The following VOPP1 variants were observed in gnomAD, a reference collection of about 807,000 sequenced individuals.
VOPP1 encodes VOPP1 WW domain binding protein.
Under a neutral mutation model 23.5 loss-of-function variants are expected in VOPP1, and 8 were observed. The ratio of observed to expected loss-of-function variants is 0.34; its 90% CI spans 0.20 to 0.61. The LOEUF (loss-of-function observed/expected upper bound fraction) is 0.61, where lower values mean the gene tolerates loss of function less well. VOPP1 is among the 20% of genes least tolerant of loss of function. The pLI is 0.78. For synonymous variants in VOPP1, 83 were observed against 97.3 expected, an observed-to-expected ratio of 0.85 and a Z score of 0.86; for missense variants, 174 against 238.1, an observed-to-expected ratio of 0.73 and a Z score of 1.77.
chr7:55,505,453 A>G (rs1273072848), intron 2 of VOPP1, among the ~76,000 whole-genome samples: 1 of 151,996 alleles, frequency 6.6e-6, no homozygotes, highest in Non-Finnish European at 1.5e-5. Context: ...GCAGAAAAGG[A>G]GGGTGACGTG....
chr7:55,496,451 T>G (rs77811366), intron 3 of VOPP1, among the ~76,000 whole-genome samples: 1 of 152,240 alleles, frequency 6.6e-6, no homozygotes, highest in Non-Finnish European at 1.5e-5. Context: ...ATTCTTCTGT[T>G]ACAGAGTTTT....
intron 2 of VOPP1, among the ~76,000 whole-genome samples, chr7:55,514,847 A>G (rs569777131): frequency 6.6e-6 from 1 of 152,326 alleles, no homozygotes; most frequent in African/African-American, 2.4e-5. Context: ...ACTTGGGGCC[A>G]TCCTCTGCTC....
At chr7:55,477,677 T>G (rs1390841787) in intron 4 of VOPP1, among the ~76,000 whole-genome samples, 1 of 152,212 alleles carries the variant, frequency 6.6e-6, no homozygotes, top group Non-Finnish European at 1.5e-5. Context: ...ATAGACACAG[T>G]GATGGATCCT....
At chr7:55,485,426 T>G (rs1793062893) in intron 4 of VOPP1, among the ~76,000 whole-genome samples, 1 of 152,190 alleles carries the variant, frequency 6.6e-6, no homozygotes. Context: ...GTTGAGAAGG[T>G]AAAAGGCAGA....
rs532644121 is a variant in VOPP1 at position 55,538,970 on chromosome 7, G to A, written c.55-17840C>T. Among the ~76,000 whole-genome samples, 502 of 149,678 alleles carry A rather than the reference G, an allele frequency of 3.4e-3. 4 individuals carry two copies. The highest frequency in any genetic ancestry group is 0.012 in the African/African-American group (490 of 40,660). ...GAGGTATGCCTCTTTCTCTGTAGAG[G>A]GTCTAGGGTTGAGAAGGTATTGGGG... On this transcript the variant is annotated intron_variant, in intron 1 of 4. Coordinates refer to ENST00000285279, the MANE Select transcript of VOPP1 (RefSeq NM_030796.5).
intron 4 of VOPP1, among the ~76,000 whole-genome samples, chr7:55,491,970 A>T (rs1413979026): frequency 2.0e-5 from 3 of 152,232 alleles, no homozygotes; most frequent in African/African-American, 7.2e-5. Flanking sequence ...GCTCCTACAC[A>T]GAAATTTATA....
intron 1 of VOPP1, among the ~76,000 whole-genome samples, chr7:55,568,827 T>C (rs1372538998): frequency 2.0e-5 from 3 of 152,174 alleles, no homozygotes; most frequent in Admixed American, 6.5e-5. Flanking sequence ...AGTTACTGTG[T>C]GAAGGCCACT....
At chr7:55,447,386 G>A (rs184290700) in intron 4 of VOPP1, among the ~76,000 whole-genome samples, 280 of 152,318 alleles carry the variant, frequency 1.8e-3, no homozygotes, top group African/African-American at 6.3e-3. Flanking sequence ...TTTGCTCACT[G>A]AAGAAATGTA....
intron 2 of VOPP1, among the ~76,000 whole-genome samples, chr7:55,503,007 A>G (rs984260120): frequency 3.3e-5 from 5 of 152,244 alleles, no homozygotes. Context: ...CTTCAAAAGA[A>G]TGAAAAGATC....
At chr7:55,501,673 A>G (rs1583938077) in intron 2 of VOPP1, among the ~76,000 whole-genome samples, 1 of 151,934 alleles carries the variant, frequency 6.6e-6, no homozygotes, top group African/African-American at 2.4e-5. Flanking sequence ...ACTCATGAAT[A>G]CCCTCTCAAA....
intron 2 of VOPP1, among the ~76,000 whole-genome samples, chr7:55,512,363 T>C (rs555554153): frequency 9.2e-5 from 14 of 151,622 alleles, no homozygotes; most frequent in African/African-American, 2.4e-4. Flanking sequence ...AAGGCGGAGG[T>C]TGCAGTGAGC....
intron 4 of VOPP1, among the ~76,000 whole-genome samples, chr7:55,476,062 G>A (rs1792222082): frequency 6.6e-6 from 1 of 152,218 alleles, no homozygotes; most frequent in African/African-American, 2.4e-5. Flanking sequence ...GGTGGGATGG[G>A]AGAGCCACAG....
intron 4 of VOPP1, among the ~76,000 whole-genome samples, chr7:55,486,470 G>C (rs1048934868): frequency 3.3e-5 from 5 of 152,260 alleles, no homozygotes; most frequent in Admixed American, 2.6e-4. Context: ...ACGGGGGCTG[G>C]AAAGAGAAGT....
At chr7:55,509,154 A>T (rs1794915692) in intron 2 of VOPP1, among the ~76,000 whole-genome samples, 1 of 152,214 alleles carries the variant, frequency 6.6e-6, no homozygotes, top group Non-Finnish European at 1.5e-5. Context: ...AGGAAGGGAG[A>T]TGAGATTCTA....
chr7:55,449,594 A>G (rs1791191327), intron 4 of VOPP1, among the ~76,000 whole-genome samples: 1 of 152,212 alleles, frequency 6.6e-6, no homozygotes, highest in African/African-American at 2.4e-5. Flanking sequence ...GGAACCCTGA[A>G]GGCAGCTGAA....
chr7:55,489,100 T>A (rs1002850785), intron 4 of VOPP1, among the ~76,000 whole-genome samples: 1 of 152,208 alleles, frequency 6.6e-6, no homozygotes, highest in African/African-American at 2.4e-5. Flanking sequence ...GCAGACCCCA[T>A]TCTTTTGTTC....
intron 4 of VOPP1, among the ~76,000 whole-genome samples, chr7:55,462,950 G>A (rs1317831877): frequency 3.9e-5 from 6 of 152,108 alleles, no homozygotes; most frequent in African/African-American, 1.4e-4. Context: ...GAACCCTTCA[G>A]TCCCAGTATT....
intron 1 of VOPP1, among the ~76,000 whole-genome samples, chr7:55,561,692 G>T (rs1797991274): frequency 2.1e-5 from 1 of 47,604 alleles, no homozygotes; most frequent in African/African-American, 7.6e-5. Flanking sequence ...GCAAAACTCT[G>T]TCTGGAAAAA....
At chr7:55,436,138 T>G (rs1790816249) in exon 5 of VOPP1, 1 of 152,172 alleles carries the variant, frequency 6.6e-6, no homozygotes, top group African/African-American at 2.4e-5. Flanking sequence ...GGCATGAAGG[T>G]GAAGGTGGTA....
Sources: allele counts gnomAD v4.1 joint callset (sites outside exome capture counted in the v4.1 genomes callset), GRCh38; gene constraint gnomAD v4.1.1; transcripts MANE v1.5; gene names NCBI Gene and HGNC (gene_info 2026-07-23, HGNC 2026-07-21).